Variants in GIGYF2 observed in about 807,000 individuals in gnomAD.
The protein encoded by GIGYF2 is GRB10 interacting GYF protein 2, also known as GRB10-interacting GYF protein 2.
GIGYF2 carries 25 observed loss-of-function variants against 208.1 expected under a neutral mutation model. The ratio of observed to expected loss-of-function variants is 0.12; its 90% confidence interval spans 0.09 to 0.17. GIGYF2 has a LOEUF of 0.17. GIGYF2 is among the 10% of genes least tolerant of loss of function. The pLI is 1.00. For synonymous variants in GIGYF2, 534 were observed against 543.8 expected (o/e 0.98, Z 0.25); for missense variants, 1,302 against 1,579.4 (o/e 0.82, Z 2.98).
At chr2:232,848,236 C>T (rs79428640) in intron 27 of GIGYF2, among the ~76,000 whole-genome samples, 2 of 152,230 alleles carry the variant, frequency 1.3e-5, no homozygotes, top group East Asian at 1.9e-4. Context: ...CACTACTATT[C>T]GTGCCCAAAT....
chr2:232,813,187 C>CTT (rs894736273), intron 18 of GIGYF2, among the ~76,000 whole-genome samples: 88 of 123,874 alleles, frequency 7.1e-4, no homozygotes, highest in African/African-American at 1.3e-3. Flanking sequence ...TCTTTGCTTT[C>CTT]TTTTTTTTTT....
intron 8 of GIGYF2, chr2:232,768,159 G>T (rs748224832): frequency 6.2e-7 from 1 of 1,608,466 alleles, no homozygotes; most frequent in Non-Finnish European, 8.5e-7. Context: ...AACTGGCTGG[G>T]TGTATTTAAT....
chr2:232,768,983 T>G (rs1297956936), intron 8 of GIGYF2, among the ~76,000 whole-genome samples: 4 of 152,202 alleles, frequency 2.6e-5, no homozygotes, highest in Non-Finnish European at 4.4e-5. Flanking sequence ...GCCTGAAGCA[T>G]TTTTCAAAGT....
In GIGYF2 at chr2:232,859,137, GTC is replaced by G. The variant is rs1233269533; in HGVS notation, c.*2284_*2285del. 1 of 152,220 alleles carries G rather than the reference GTC, an allele frequency of 6.6e-6. No homozygotes were observed. The highest frequency in any genetic ancestry group is 1.9e-4 in the East Asian group (1 of 5,172). 9.4% of individuals were successfully genotyped at this position (152,220 alleles called of 1,614,324 possible). A position where few individuals can be genotyped will look rare whatever the true frequency, so the allele number is the denominator to read the frequency against. ...CTCTTCCCTGGGAATGTTTGTTTCT[GTC>G]TCTCTCAATGCTACTCTCTTTCATA... On this transcript the variant is annotated 3_prime_UTR_variant, in exon 29 of 29. Transcript: ENST00000373563.
chr2:232,739,135 G>C (rs1697863638), intron 3 of GIGYF2, among the ~76,000 whole-genome samples: 1 of 151,842 alleles, frequency 6.6e-6, no homozygotes, highest in African/African-American at 2.4e-5. Context: ...GAGGTGGGCA[G>C]ATCACCTGAG....
chr2:232,737,379 A>G (rs1034062833), intron 3 of GIGYF2, among the ~76,000 whole-genome samples: 6 of 152,240 alleles, frequency 3.9e-5, no homozygotes, highest in African/African-American at 1.4e-4. Context: ...CTTAAACAGT[A>G]GCCTCACCTA....
intron 8 of GIGYF2, among the ~76,000 whole-genome samples, chr2:232,786,066 T>G (rs1699897784): frequency 6.6e-6 from 1 of 152,238 alleles, no homozygotes; most frequent in Non-Finnish European, 1.5e-5. Context: ...TAGAATGATC[T>G]TGTCCTTTTA....
chr2:232,793,129 G>A (rs1700120682), intron 12 of GIGYF2, among the ~76,000 whole-genome samples: 1 of 152,138 alleles, frequency 6.6e-6, no homozygotes. Context: ...GTGAAGAAGT[G>A]GGACTGATCC....
chr2:232,829,376 T>C (rs1701347538), intron 21 of GIGYF2, among the ~76,000 whole-genome samples: 1 of 152,242 alleles, frequency 6.6e-6, no homozygotes, highest in African/African-American at 2.4e-5. Context: ...TTTTTGTATG[T>C]ATCTACTGAT....
intron 26 of GIGYF2, among the ~76,000 whole-genome samples, chr2:232,847,089 C>A (rs1275291670): frequency 6.6e-6 from 1 of 152,132 alleles, no homozygotes; most frequent in Non-Finnish European, 1.5e-5. Flanking sequence ...ATTACTTCAG[C>A]CTTAGTCAAG....
chr2:232,706,531 C>T (rs902491286), intron 2 of GIGYF2, among the ~76,000 whole-genome samples: 1 of 152,078 alleles, frequency 6.6e-6, no homozygotes, highest in Non-Finnish European at 1.5e-5. Flanking sequence ...TAATCCCATC[C>T]ATTTGGGAGG....
chr2:232,802,982 C>T (rs535599884), intron 14 of GIGYF2, among the ~76,000 whole-genome samples: 28 of 152,036 alleles, frequency 1.8e-4, no homozygotes, highest in African/African-American at 4.8e-4. Context: ...CCACTGCAAC[C>T]GCTGTCTCCC....
intron 14 of GIGYF2, among the ~76,000 whole-genome samples, chr2:232,799,388 A>T (rs1700321831): frequency 1.3e-5 from 2 of 151,662 alleles, no homozygotes; most frequent in African/African-American, 4.8e-5. Flanking sequence ...TATAAAAAAA[A>T]AAATAAAAAA....
intron 2 of GIGYF2, chr2:232,731,107 G>C (rs984532914): frequency 5.9e-5 from 9 of 152,046 alleles, no homozygotes; most frequent in Admixed American, 1.3e-4. Context: ...TTCCTTGCTT[G>C]TTGTTGTTCC....
At chr2:232,708,875 A>C (rs1696255141) in intron 2 of GIGYF2, among the ~76,000 whole-genome samples, 1 of 151,674 alleles carries the variant, frequency 6.6e-6, no homozygotes. Flanking sequence ...TAATCCCAGC[A>C]CTTTGGGAAG....
chr2:232,836,321 TATATATATACATATATATAC>T (rs1701620529), intron 22 of GIGYF2, among the ~76,000 whole-genome samples: 1 of 19,752 alleles, frequency 5.1e-5, no homozygotes, highest in African/African-American at 1.6e-4. Context: ...TATATATATA[TATATATATACATATATATAC>T]TTATATATTT....
intron 23 of GIGYF2, among the ~76,000 whole-genome samples, chr2:232,842,694 A>G (rs898729093): frequency 3.3e-5 from 5 of 152,122 alleles, no homozygotes; most frequent in African/African-American, 1.2e-4. Flanking sequence ...CTTTCCTATA[A>G]TAGATTCTGG....
chr2:232,792,283 C>A (rs552784076), intron 12 of GIGYF2, among the ~76,000 whole-genome samples: 31 of 152,184 alleles, frequency 2.0e-4, no homozygotes, highest in African/African-American at 7.2e-4. Flanking sequence ...TAGGTGTCTT[C>A]TTCGTTTCTT....
At chr2:232,721,635 G>A (rs1696946977) in intron 2 of GIGYF2, among the ~76,000 whole-genome samples, 1 of 152,072 alleles carries the variant, frequency 6.6e-6, no homozygotes, top group South Asian at 2.1e-4. Flanking sequence ...TTCTAGTTTA[G>A]GTGATAGATC....
Sources: gnomAD v4.1 joint callset for allele counts (sites outside exome capture counted in the v4.1 genomes callset) on GRCh38, gnomAD v4.1.1 for gene constraint, MANE v1.5 for transcripts, NCBI Gene and HGNC (gene_info 2026-07-23, HGNC 2026-07-21) for gene names.